CLIC5: variants seen among roughly 807,000 people sequenced by gnomAD.
CLIC5 encodes CLIC family member 5.
Under a neutral mutation model 24.7 loss-of-function variants are expected in CLIC5, and 20 were observed. The ratio of observed to expected loss-of-function variants is 0.81; its 90% CI spans 0.57 to 1.18. The LOEUF (loss-of-function observed/expected upper bound fraction) is 1.18. Among genes scored for constraint, CLIC5 ranks in the 50% most tolerant of loss-of-function variants. The pLI, the probability that CLIC5 is intolerant of heterozygous loss-of-function variation, is 0.00. For synonymous variants in CLIC5, 159 were observed against 135.6 expected, an observed-to-expected ratio of 1.17 and a Z score of -1.20; for missense variants, 341 against 326.1, an observed-to-expected ratio of 1.05 and a Z score of -0.35.
intron 1 of CLIC5, among the ~76,000 whole-genome samples, chr6:46,026,435 T>C (rs372893175): frequency 6.6e-6 from 1 of 152,192 alleles, no homozygotes; most frequent in East Asian, 1.9e-4. Flanking sequence ...CTATAATAAG[T>C]AGTTCTCTTT....
upstream of CLIC5, among the ~76,000 whole-genome samples, chr6:46,019,711 A>G (rs1480859679): frequency 6.7e-6 from 1 of 148,212 alleles, no homozygotes; most frequent in Admixed American, 6.7e-5. Flanking sequence ...AAAAAAAAAA[A>G]AGAAAGCTAA....
At chr6:45,937,390 G>A (rs775581656) in intron 4 of CLIC5, 8 of 152,214 alleles carry the variant, frequency 5.3e-5, no homozygotes, top group Non-Finnish European at 1.2e-4. Context: ...AAACCTTGGT[G>A]ATATTATTAA....
intron 1 of CLIC5, among the ~76,000 whole-genome samples, chr6:46,005,025 C>T (rs183660811): frequency 1.7e-4 from 26 of 152,264 alleles, no homozygotes; most frequent in African/African-American, 5.5e-4. Flanking sequence ...TTGGTGTTGA[C>T]GGGGCCCATG....
At chr6:46,080,715 T>C (rs1762902022), upstream of CLIC5, among the ~76,000 whole-genome samples, 3 of 152,326 alleles carry the variant, frequency 2.0e-5, no homozygotes, top group South Asian at 6.2e-4. Flanking sequence ...CTCTCATCTA[T>C]TTACTGCTGA....
chr6:45,941,243 G>A (rs1051693610), intron 4 of CLIC5, among the ~76,000 whole-genome samples: 2 of 152,156 alleles, frequency 1.3e-5, no homozygotes, highest in South Asian at 2.1e-4. Context: ...GGACCGTTCC[G>A]TGCAGTGCAC....
At chr6:46,093,146 A>C in the CLIC5 span, among the ~76,000 whole-genome samples, 2 of 151,882 alleles carry the variant, frequency 1.3e-5, no homozygotes, top group African/African-American at 4.8e-5. Context: ...TGTTCTCTCC[A>C]TCTCCTTTCA....
intron 4 of CLIC5, among the ~76,000 whole-genome samples, chr6:45,915,589 A>T (rs1762999830): frequency 6.6e-6 from 1 of 152,216 alleles, no homozygotes; most frequent in South Asian, 2.1e-4. Flanking sequence ...ACAAATGTGC[A>T]ACCCCCAGCT....
In CLIC5 at chr6:45,902,516, G is replaced by A. The variant is rs539294408; in HGVS notation, c.*572C>T. The A allele has an allele frequency of 2.6e-5, 4 of 153,952 alleles. No homozygotes were observed. The highest frequency in any genetic ancestry group is 9.6e-5 in the African/African-American group (4 of 41,568). The allele number at this position is 153,952 out of a possible 1,614,324, so 9.5% of individuals were successfully genotyped here. On this transcript the variant is annotated 3_prime_UTR_variant, in exon 6 of 6. Transcript: ENST00000339561. ...TGTGTCTCAAGTGACTTTCCAGTCT[G>A]GCCCTTAGTGCCCAATAACCAGAGT...
intron 1 of CLIC5, among the ~76,000 whole-genome samples, chr6:46,013,284 A>G (rs1054544227): frequency 6.6e-6 from 1 of 152,234 alleles, no homozygotes. Flanking sequence ...ATGGGGAATC[A>G]TGTACCTCAG....
chr6:45,985,910 G>C (rs891247489), intron 1 of CLIC5, among the ~76,000 whole-genome samples: 2 of 152,076 alleles, frequency 1.3e-5, no homozygotes, highest in African/African-American at 4.8e-5. Context: ...ATTCCCACCT[G>C]TCATGGCAGG....
upstream of CLIC5, chr6:46,080,387 T>C: frequency 1.6e-6 from 1 of 637,532 alleles, no homozygotes; most frequent in East Asian, 2.7e-5. Context: ...ATGACAGGTC[T>C]CTAACAATTA....
Position 45,984,106 on chromosome 6 carries a change from T to G in CLIC5, c.64-28862A>C, listed in dbSNP as rs377550732. 6.5e-4 allele frequency among the ~76,000 whole-genome samples: 99 copies of G among 152,192 alleles called. 1 individual carries two copies. In the South Asian group the frequency reaches 0.019, roughly 29 times the overall value. On this transcript the variant is annotated intron_variant, in intron 1 of 5. Transcript: ENST00000339561. ...AAAGAGAGTGTGGGAAAGCACTTAG[T>G]GGAACATAGTAAAGGAAAGAGAAAA...
intron 2 of CLIC5, among the ~76,000 whole-genome samples, chr6:45,953,377 A>G (rs1425198464): frequency 6.6e-6 from 1 of 152,100 alleles, no homozygotes. Context: ...TTGGGTTGAC[A>G]GGTGTGCTTG....
chr6:46,015,962 C>T (rs892604808), upstream of CLIC5: 5 of 936,210 alleles, frequency 5.3e-6, no homozygotes, highest in South Asian at 9.9e-5. Flanking sequence ...GGGCCTGGGC[C>T]GGGCCACGGC....
the CLIC5 span, among the ~76,000 whole-genome samples, chr6:46,110,633 GAGGT>G: frequency 2.0e-5 from 3 of 152,146 alleles, no homozygotes; most frequent in African/African-American, 4.8e-5. Context: ...GACCTTATAA[GAGGT>G]AGGTAGGTAG....
At chr6:46,009,163 A>T (rs982287123) in intron 1 of CLIC5, among the ~76,000 whole-genome samples, 1 of 151,548 alleles carries the variant, frequency 6.6e-6, no homozygotes, top group Non-Finnish European at 1.5e-5. Flanking sequence ...CTGGCATGGG[A>T]AGAGTCTTTG....
At chr6:46,013,577 G>C (rs530549421) in intron 1 of CLIC5, among the ~76,000 whole-genome samples, 2 of 152,198 alleles carry the variant, frequency 1.3e-5, no homozygotes, top group East Asian at 1.9e-4. Context: ...ATTTCCTTTA[G>C]GGAAAAAACA....
chr6:45,936,115 C>G, intron 4 of CLIC5, among the ~76,000 whole-genome samples: 1 of 151,992 alleles, frequency 6.6e-6, no homozygotes, highest in East Asian at 1.9e-4. Flanking sequence ...ATGTATAACC[C>G]CTCAAACTGC....
intron 1 of CLIC5, among the ~76,000 whole-genome samples, chr6:46,006,736 T>G (rs1028981997): frequency 1.3e-5 from 2 of 150,076 alleles, no homozygotes; most frequent in African/African-American, 4.9e-5. Context: ...AGTACAGTGG[T>G]GCAAACTCAG....
Sources: gnomAD v4.1 joint callset for allele counts (sites outside exome capture counted in the v4.1 genomes callset) on GRCh38, gnomAD v4.1.1 for gene constraint, MANE v1.5 for transcripts, NCBI Gene and HGNC (gene_info 2026-07-23, HGNC 2026-07-21) for gene names.